Variants in SLC43A3 observed in about 807,000 individuals in gnomAD.
The protein encoded by SLC43A3 is equilibrative nucleobase transporter 1.
SLC43A3 carries 33 observed loss-of-function variants against 53.3 expected under a neutral mutation model. That is an observed-to-expected ratio of 0.62 (90% CI 0.47 to 0.83). The LOEUF (loss-of-function observed/expected upper bound fraction) is 0.83, where lower values mean the gene tolerates loss of function less well. Among genes scored for constraint, SLC43A3 ranks in the 40% least tolerant of loss-of-function variants. The pLI is 0.00. For missense variants in SLC43A3, 530 were observed against 610.0 expected, an observed-to-expected ratio of 0.87 and a Z score of 1.38; for synonymous variants, 236 against 246.2, an observed-to-expected ratio of 0.96 and a Z score of 0.39.
chr11:57,416,817 G>A, intron 8 of SLC43A3, 147 bp from the exon 9 acceptor site: 1 of 637,360 alleles, frequency 1.6e-6, no homozygotes, highest in Non-Finnish European at 2.8e-6. Flanking sequence ...TTGCAGACCA[G>A]ACCAGTTAAA....
chr11:57,421,068 G>T lies in SLC43A3; in HGVS notation c.439-4C>A, dbSNP rs759464161. The T allele has an allele frequency of 6.3e-7, 1 of 1,598,062 alleles. No homozygotes were observed. The highest frequency in any genetic ancestry group is 8.6e-7 in the Non-Finnish European group (1 of 1,165,416). ...GTTGGCCAAATAGGTTCCCAATCTGGGGATGATAGGACTAGCCTGGATCAC... is the reference window on the plus strand; with the variant it reads ...GTTGGCCAAATAGGTTCCCAATCTGTGGATGATAGGACTAGCCTGGATCAC... On this transcript the variant is annotated splice_polypyrimidine_tract_variant and splice_region_variant and intron_variant, in intron 6 of 13. Coordinates refer to ENST00000395124, the MANE Select transcript of SLC43A3 (RefSeq NM_199329.3).
Position 57,425,660 on chromosome 11 carries a change from G to C in SLC43A3, c.195C>G (p.Ala65=), listed in dbSNP as rs763047079. 6.2e-7 allele frequency: 1 copy of C among 1,614,070 alleles called. No homozygotes were observed. Among genetic ancestry groups the C allele is most frequent in the Admixed American group, 1.7e-5 (1 of 60,022 alleles). The change falls in exon 4 of 14, where the codon GCC becomes GCG. Residue 65 remains alanine, a synonymous_variant. Transcript: ENST00000395124. The stretch of plus-strand genomic sequence containing the variant: ...AGATGAGTGAGAACCTCTCATCCTG[G>C]GCTTTGCAGTCTGGAGTAGAAAAAA... ...GNATGQADCK[A]QDERFSLIFT...
intron 12 of SLC43A3, 138 bp from the exon 13 acceptor site, chr11:57,409,436 C>T (rs1942349628): frequency 1.1e-6 from 1 of 949,548 alleles, no homozygotes; most frequent in African/African-American, 1.6e-5. Context: ...ACCTGTCTGG[C>T]CTTTCCCTCT....
rs190945531 is a variant in SLC43A3 at position 57,408,459 on chromosome 11, C to T, written c.1372-563G>A. 332 of 154,086 alleles carry T rather than the reference C, an allele frequency of 2.2e-3. 1 individual carries two copies. The highest frequency in any genetic ancestry group is 3.9e-3 in the Non-Finnish European group (270 of 69,296). 9.5% of individuals were successfully genotyped at this position (154,086 alleles called of 1,614,324 possible). ...GCACATGCCTGTAGTGTCAGCTACT[C>T]AGGAGGCTGAGATGAGAGGATCGCT... On this transcript the variant is annotated intron_variant, in intron 13 of 13. Transcript: ENST00000395124.
At chr11:57,418,555 G>A (rs1418214115) in intron 7 of SLC43A3, among the ~76,000 whole-genome samples, 1 of 152,024 alleles carries the variant, frequency 6.6e-6, no homozygotes, top group African/African-American at 2.4e-5. Flanking sequence ...AATCAGCTGG[G>A]CGTGATGGTG....
At chr11:57,416,065 T>G (rs1942703031) in intron 9 of SLC43A3, among the ~76,000 whole-genome samples, 2 of 152,234 alleles carry the variant, frequency 1.3e-5, no homozygotes, top group African/African-American at 2.4e-5. Context: ...CCTGCTCATC[T>G]GCTCCTTTTT....
At chr11:57,417,487 G>C (rs2135022623) in intron 8 of SLC43A3, among the ~76,000 whole-genome samples, 1 of 152,332 alleles carries the variant, frequency 6.6e-6, no homozygotes, top group Admixed American at 6.5e-5. Flanking sequence ...CAAATGATCA[G>C]ATGTATGAAT....
At chr11:57,410,148 C>T (rs766039319) in intron 11 of SLC43A3, 27 bp from the exon 12 acceptor site, 11 of 1,550,142 alleles carry the variant, frequency 7.1e-6, no homozygotes, top group Non-Finnish European at 4.3e-6. Context: ...GAAAAAGAAG[C>T]TCTCTGTAGG....
intron 11 of SLC43A3, among the ~76,000 whole-genome samples, chr11:57,411,636 G>C (rs901906842): frequency 6.6e-6 from 1 of 152,128 alleles, no homozygotes; most frequent in Admixed American, 6.5e-5. Flanking sequence ...CTGTACTCCA[G>C]CTTGGGCAAC....
chr11:57,426,181 G>C lies in SLC43A3; in HGVS notation c.-9C>G. The C allele has an allele frequency of 6.2e-7, 1 of 1,613,542 alleles. No individual in the cohort carries two copies. Among genetic ancestry groups the C allele is most frequent in the Non-Finnish European group, 8.5e-7 (1 of 1,179,668 alleles). On this transcript the variant is annotated 5_prime_UTR_variant, in exon 3 of 14. Transcript: ENST00000395124. ...AGGCCCTGGCCCGCCATGAGCAGAAGTGGAGTGGATCTTCAAATCCCACTT... is the reference window on the plus strand; with the variant it reads ...AGGCCCTGGCCCGCCATGAGCAGAACTGGAGTGGATCTTCAAATCCCACTT...
At position 57,407,164 on chromosome 11, in the gene SLC43A3, C is replaced by G. The variant is rs1942253951; in HGVS notation, c.*628G>C. ...CTATTCCTAAAACCTTCTAGGACAT[C>G]TGCTCCAGGAAGAACTTTCAACACC... is the stretch of plus-strand genomic sequence containing the variant. On this transcript the variant is annotated 3_prime_UTR_variant, in exon 14 of 14. Coordinates refer to ENST00000395124, the MANE Select transcript of SLC43A3 (RefSeq NM_199329.3). 1 of 152,412 alleles carries G rather than the reference C, an allele frequency of 6.6e-6. No homozygotes were observed. Among genetic ancestry groups the G allele is most frequent in the Admixed American group, 6.5e-5 (1 of 15,312 alleles). 9.4% of individuals were successfully genotyped at this position (152,412 alleles called of 1,614,324 possible).
intron 13 of SLC43A3, 105 bp from the exon 14 acceptor site, chr11:57,408,001 G>A (rs1244499153): frequency 1.4e-6 from 1 of 711,528 alleles, no homozygotes; most frequent in South Asian, 1.7e-5. Context: ...GAAGGGACCA[G>A]AAGTCTACCG....
chr11:57,425,984 C>T lies in SLC43A3; in HGVS notation c.184+5G>A. ...CTTCCTTAGAAAAGTCATCCCTGCC[C>T]TTACCAGCCTGCCCTGTGGCATTGC... On this transcript the variant is annotated splice_donor_5th_base_variant and intron_variant, in intron 3 of 13. Coordinates refer to ENST00000395124, the MANE Select transcript of SLC43A3 (RefSeq NM_199329.3). 6.2e-7 allele frequency: 1 copy of T among 1,612,974 alleles called. No homozygotes were observed. Among genetic ancestry groups the T allele is most frequent in the African/African-American group, 1.3e-5 (1 of 75,062 alleles).
At chr11:57,415,367 A>G (rs1942672403) in intron 9 of SLC43A3, 4 of 1,466,576 alleles carry the variant, frequency 2.7e-6, no homozygotes, top group South Asian at 1.2e-5. Flanking sequence ...AGCCTGGTCA[A>G]TGACACTTCT....
chr11:57,418,993 G>A (rs2135032974), intron 7 of SLC43A3, among the ~76,000 whole-genome samples: 1 of 152,130 alleles, frequency 6.6e-6, no homozygotes, highest in Non-Finnish European at 1.5e-5. Context: ...GTTTTCTAAG[G>A]AGTCCTAGTA....
At chr11:57,409,387 G>A in intron 12 of SLC43A3, 89 bp from the exon 13 acceptor site, 5 of 1,489,080 alleles carry the variant, frequency 3.4e-6, no homozygotes, top group Non-Finnish European at 4.6e-6. Flanking sequence ...TCGGCCGCTT[G>A]TCCCCAGCTC....
chr11:57,425,760 C>T, intron 3 of SLC43A3, 90 bp from the exon 4 acceptor site: 4 of 1,566,808 alleles, frequency 2.6e-6, no homozygotes, highest in South Asian at 1.2e-5. Flanking sequence ...GACAGCTTGT[C>T]GGTCGCAAAC....
At chr11:57,408,173 G>C (rs908816869) in intron 13 of SLC43A3, 59 of 333,774 alleles carry the variant, frequency 1.8e-4, no homozygotes, top group African/African-American at 1.2e-3. Context: ...CATGTTCAAG[G>C]TCACATGGGA....
intron 12 of SLC43A3, among the ~76,000 whole-genome samples, 199 bp downstream of exon 12, chr11:57,409,736 G>A (rs192442534): frequency 2.0e-5 from 3 of 152,296 alleles, no homozygotes; most frequent in South Asian, 2.1e-4. Context: ...AGAGGGCACC[G>A]CAGATGTAAA....
Sources: gnomAD v4.1 joint callset for allele counts (sites outside exome capture counted in the v4.1 genomes callset) on GRCh38, gnomAD v4.1.1 for gene constraint, MANE v1.5 for transcripts, NCBI Gene and HGNC (gene_info 2026-07-23, HGNC 2026-07-21) for gene names.